PNPLA1: variants seen among roughly 807,000 people sequenced by gnomAD.
PNPLA1 encodes omega-hydroxyceramide transacylase.
PNPLA1 carries 36 observed loss-of-function variants against 51.7 expected under a neutral mutation model. The observed-to-expected ratio is 0.70, with a 90% CI of 0.53 to 0.92. PNPLA1 has a LOEUF of 0.92. PNPLA1 is among the 40% of genes least tolerant of loss of function. The pLI is 0.00. For missense variants in PNPLA1, 658 were observed against 682.5 expected (o/e 0.96, Z 0.40); for synonymous variants, 293 against 280.1 (o/e 1.05, Z -0.46).
intron 1 of PNPLA1, among the ~76,000 whole-genome samples, chr6:36,254,192 T>C (rs1185884268): frequency 6.6e-6 from 1 of 152,252 alleles, no homozygotes; most frequent in Non-Finnish European, 1.5e-5. Flanking sequence ...TCTTAAAAAC[T>C]AATTGCTTCT....
intron 4 of PNPLA1, among the ~76,000 whole-genome samples, chr6:36,295,047 C>A (rs1286448034): frequency 6.6e-6 from 1 of 152,226 alleles, no homozygotes; most frequent in Non-Finnish European, 1.5e-5. Flanking sequence ...TGAACTCAGG[C>A]TCCAAACTTT....
chr6:36,247,824 C>G (rs1769330314), intron 1 of PNPLA1, among the ~76,000 whole-genome samples: 1 of 152,200 alleles, frequency 6.6e-6, no homozygotes, highest in South Asian at 2.1e-4. Context: ...GGATTCTGAA[C>G]CCTTACTAAA....
At chr6:36,291,632 C>G in intron 2 of PNPLA1, 80 bp downstream of exon 2, 1 of 1,218,654 alleles carries the variant, frequency 8.2e-7, no homozygotes, top group East Asian at 2.5e-5. Context: ...CAGCTCAACC[C>G]GATGCCTTAT....
At chr6:36,266,880 A>G (rs1387618290), upstream of PNPLA1, among the ~76,000 whole-genome samples, 1 of 152,198 alleles carries the variant, frequency 6.6e-6, no homozygotes, top group Non-Finnish European at 1.5e-5. Flanking sequence ...AGAAACCACC[A>G]GGTTCTTCAC....
At chr6:36,302,531 A>G in intron 6 of PNPLA1, 62 bp downstream of exon 6, 1 of 1,508,682 alleles carries the variant, frequency 6.6e-7, no homozygotes. Flanking sequence ...CAAGCGAGCA[A>G]GGACACCAGG....
Position 36,291,534 on chromosome 6 carries a change from C to T in PNPLA1, c.420C>T (p.Ser140=), listed in dbSNP as rs1370028812. 1 of 1,344,358 alleles carries T rather than the reference C, an allele frequency of 7.4e-7. No homozygotes were observed. Among genetic ancestry groups the T allele is most frequent in the Admixed American group, 2.2e-5 (1 of 45,130 alleles). 83.3% of individuals were successfully genotyped at this position (1,344,358 alleles called of 1,614,324 possible). Residue 140 remains serine (S), a synonymous_variant, in exon 2 of 9, where the codon TCC becomes TCT. Transcript: ENST00000636260. ...GENVVVSEFT[S]KEELIEALYC... ...ATGTGGTGGTTTCAGAGTTCACGTC[C>T]AAGGAGGAGCTCATTGAGGCAAGGG...
intron 5 of PNPLA1, among the ~76,000 whole-genome samples, chr6:36,298,428 T>TA (rs34041841): frequency 7.9e-5 from 12 of 152,134 alleles, no homozygotes; most frequent in African/African-American, 2.4e-4. Context: ...TTAATTGTGG[T>TA]AAAAAAACAC....
chr6:36,300,703 G>C (rs1771015667), intron 5 of PNPLA1, among the ~76,000 whole-genome samples: 1 of 152,162 alleles, frequency 6.6e-6, no homozygotes. Flanking sequence ...CCTGGCCGAG[G>C]TAGTGTCCAT....
rs147876798 is a variant in PNPLA1 at position 36,282,212 on chromosome 6, G to GGGAAGGAAGGAAGGAAGGAA, written c.206-9103_206-9084dup. Among the ~76,000 whole-genome samples, 84 of 108,724 alleles carry GGGAAGGAAGGAAGGAAGGAA rather than the reference G, an allele frequency of 7.7e-4. 3 individuals are homozygous for GGGAAGGAAGGAAGGAAGGAA. Among genetic ancestry groups the GGGAAGGAAGGAAGGAAGGAA allele is most frequent in the Middle Eastern group, 9.6e-3 (2 of 208 alleles). 71.3% of individuals were successfully genotyped at this position (108,724 alleles called of 152,430 possible). A position where few individuals can be genotyped will look rare whatever the true frequency, so the allele number is the denominator to read the frequency against. On this transcript the variant is annotated intron_variant, in intron 1 of 8. Transcript: ENST00000636260. Reference sequence around the variant, plus strand: ...AAGAAAGAAGGAAGGAAGGAAGGAAGGGAAGGAAGGAAGGAAGGAAGGAAA... The same window carrying GGGAAGGAAGGAAGGAAGGAA: ...AAGAAAGAAGGAAGGAAGGAAGGAAGGGAAGGAAGGAAGGAAGGAAGGAAGGAAGGAAGGAAGGAAGGAAA...
In PNPLA1 at chr6:36,271,190, G is replaced by A. The variant is rs565885049; in HGVS notation, c.205+526G>A. Among the ~76,000 whole-genome samples, 28 of 152,308 alleles carry A rather than the reference G, an allele frequency of 1.8e-4. No homozygotes were observed. In the South Asian group the frequency reaches 5.0e-3, roughly 27 times the overall value. On this transcript the variant is annotated intron_variant, in intron 1 of 8. Transcript: ENST00000636260. ...GGTAGACAGGAGGGAGCCCAGAGTGGGAGAAGAATAGGAAGGGGTGGGGAG... is the reference window on the plus strand; with the variant it reads ...GGTAGACAGGAGGGAGCCCAGAGTGAGAGAAGAATAGGAAGGGGTGGGGAG...
intron 1 of PNPLA1, among the ~76,000 whole-genome samples, chr6:36,282,665 G>C (rs568864434): frequency 6.6e-6 from 1 of 152,114 alleles, no homozygotes; most frequent in South Asian, 2.1e-4. Context: ...TGCTTGATCT[G>C]TGTGTATGTG....
chr6:36,300,340 G>T (rs1016745624), intron 5 of PNPLA1, among the ~76,000 whole-genome samples: 13 of 152,038 alleles, frequency 8.6e-5, no homozygotes, highest in Admixed American at 7.2e-4. Flanking sequence ...GGCTACAGGT[G>T]CATGCCACTA....
Position 36,301,849 on chromosome 6 carries a change from T to C in PNPLA1, c.776-12T>C. ...AGGGCTGAGTAACACCCCATGCTATTGTTTATCCTAGATGCTGTTTATCTT... is the reference window on the plus strand; with the variant it reads ...AGGGCTGAGTAACACCCCATGCTATCGTTTATCCTAGATGCTGTTTATCTT... On this transcript the variant is annotated splice_polypyrimidine_tract_variant and intron_variant, in intron 5 of 8. Coordinates refer to ENST00000636260, the MANE Select transcript of PNPLA1 (RefSeq NM_001374623.1). The C allele has an allele frequency of 6.2e-7, 1 of 1,607,638 alleles. No individual in the cohort carries two copies. Among genetic ancestry groups the C allele is most frequent in the Non-Finnish European group, 8.5e-7 (1 of 1,175,472 alleles).
At chr6:36,275,903 T>C (rs79118430) in intron 1 of PNPLA1, among the ~76,000 whole-genome samples, 75 of 152,284 alleles carry the variant, frequency 4.9e-4, no homozygotes, top group African/African-American at 1.7e-3. Context: ...CTTGTAGTTT[T>C]ATTTTTTATT....
Position 36,291,384 on chromosome 6 carries a change from G to T in PNPLA1, c.270G>T (p.Leu90Phe). Residue 90 changes from leucine (L) to phenylalanine (F), a missense_variant, in exon 2 of 9, where the codon TTG becomes TTT. By Grantham distance (22) the Leu-to-Phe change is conservative (BLOSUM62 0). Transcript: ENST00000636260. ...TGAAGAAATCCTTCCTGGGGCCCTT[G>T]TCCCCGTCCTGTAAGATGGTGCAGA... ...AEVKKSFLGP[L>F]SPSCKMVQMM... 6.2e-7 allele frequency: 1 copy of T among 1,614,164 alleles called. No homozygotes were observed. The highest frequency in any genetic ancestry group is 8.5e-7 in the Non-Finnish European group (1 of 1,180,030).
At chr6:36,295,512 C>A in intron 5 of PNPLA1, 88 bp downstream of exon 5, 3 of 1,417,608 alleles carry the variant, frequency 2.1e-6, no homozygotes, top group Non-Finnish European at 3.0e-6. Flanking sequence ...GGGGTATTCC[C>A]CCCAGATTTG....
intron 1 of PNPLA1, among the ~76,000 whole-genome samples, chr6:36,280,040 T>C (rs1770229835): frequency 6.6e-6 from 1 of 151,956 alleles, no homozygotes; most frequent in African/African-American, 2.4e-5. Flanking sequence ...ACCCTGTCTC[T>C]ACTAAAAATA....
intron 1 of PNPLA1, among the ~76,000 whole-genome samples, chr6:36,278,793 A>T (rs1547421): frequency 0.44 from 67,153 of 152,134 alleles, 15,917 homozygotes; most frequent in African/African-American, 0.62. Flanking sequence ...ATGAAATAGA[A>T]CATTCATTCG....
At chr6:36,291,684 C>T in intron 2 of PNPLA1, 132 bp downstream of exon 2, 3 of 775,676 alleles carry the variant, frequency 3.9e-6, no homozygotes, top group South Asian at 1.7e-5. Flanking sequence ...CCTTCATGCC[C>T]CCAGAGTCTC....
Sources: allele counts gnomAD v4.1 joint callset (sites outside exome capture counted in the v4.1 genomes callset), GRCh38; gene constraint gnomAD v4.1.1; transcripts MANE v1.5; gene names NCBI Gene and HGNC (gene_info 2026-07-23, HGNC 2026-07-21).